The following SCAMP4 variants were observed in gnomAD, a reference collection of about 807,000 sequenced individuals.
SCAMP4 encodes secretory carrier-associated membrane protein 4.
In SCAMP4, 19 loss-of-function variants were observed where a neutral mutation model predicts 32.1. That is an observed-to-expected ratio of 0.59 (90% CI 0.41 to 0.87). The LOEUF (loss-of-function observed/expected upper bound fraction) is 0.87, where lower values mean the gene tolerates loss of function less well. Ranked by LOEUF, SCAMP4 falls within the 40% of genes least tolerant of loss-of-function variation. The probability of loss-of-function intolerance (pLI) is 0.00; values close to 1 mark genes in which losing one functional copy is unlikely to be tolerated. For synonymous variants in SCAMP4, 152 were observed against 132.7 expected, an observed-to-expected ratio of 1.15 and a Z score of -1.00; for missense variants, 302 against 309.0, an observed-to-expected ratio of 0.98 and a Z score of 0.17.
At position 1,915,048 on chromosome 19, in the gene SCAMP4, G is replaced by C. The variant is rs368347152; in HGVS notation, c.7+22G>C. 3.0e-5 allele frequency: 48 copies of C among 1,613,578 alleles called. No individual in the cohort carries two copies. In the African/African-American group the frequency reaches 3.3e-4, roughly 11 times the overall value. On this transcript the variant is annotated intron_variant, in intron 2 of 6. Transcript: ENST00000316097. Reference sequence around the variant, plus strand: ...TCAGGTGAGTCCTGCCTGCCTGGGAGCCTCCAGCAGCGTGGGCGGGAGGGA... The same window carrying C: ...TCAGGTGAGTCCTGCCTGCCTGGGACCCTCCAGCAGCGTGGGCGGGAGGGA...
chr19:1,921,391 G>A, intron 5 of SCAMP4: 1 of 985,442 alleles, frequency 1.0e-6, no homozygotes. Flanking sequence ...GGGCCTAGCT[G>A]TGTAGATGGT....
intron 1 of SCAMP4, chr19:1,913,453 T>C: frequency 2.0e-6 from 1 of 503,088 alleles, no homozygotes; most frequent in Middle Eastern, 5.5e-4. Flanking sequence ...ACCAAGTGGG[T>C]GTCTGTTAGG....
chr19:1,912,286 C>G, intron 1 of SCAMP4: 1 of 1,577,044 alleles, frequency 6.3e-7, no homozygotes, highest in Non-Finnish European at 8.6e-7. Flanking sequence ...AAGGAGGTGT[C>G]GGCCCTGCAC....
At chr19:1,914,614 A>C in intron 1 of SCAMP4, 2 of 283,194 alleles carry the variant, frequency 7.1e-6, no homozygotes, top group South Asian at 8.2e-5. Context: ...TGCGGATGCG[A>C]TGGGGTCTTA....
chr19:1,918,578 A>G (rs1266332172), intron 4 of SCAMP4: 15 of 498,922 alleles, frequency 3.0e-5, no homozygotes, highest in Admixed American at 7.0e-5. Flanking sequence ...CCTGGCCAAC[A>G]TGGTGAAACG....
At chr19:1,917,611 C>T in intron 2 of SCAMP4, 83 bp from the exon 3 acceptor site, 2 of 1,545,094 alleles carry the variant, frequency 1.3e-6, no homozygotes, top group South Asian at 2.3e-5. Flanking sequence ...GAGAGGCAAC[C>T]CAGCCTTGGG....
intron 2 of SCAMP4, among the ~76,000 whole-genome samples, chr19:1,916,375 C>T (rs756241726): frequency 1.3e-4 from 20 of 152,176 alleles, no homozygotes; most frequent in Non-Finnish European, 2.9e-4. Context: ...GCTCCTTCCC[C>T]GGAGCCTGCA....
chr19:1,924,236 C>T lies in SCAMP4; in HGVS notation c.642C>T (p.Pro214=), dbSNP rs777556881. 1.7e-5 allele frequency: 28 copies of T among 1,605,696 alleles called. No individual in the cohort carries two copies. Among genetic ancestry groups the T allele is most frequent in the South Asian group, 2.2e-5 (2 of 89,774 alleles). Residue 214 remains proline, a synonymous_variant, in exon 7 of 7, where the codon CCC becomes CCT. Transcript: ENST00000316097. Reference sequence around the variant, plus strand: ...ACAACTTCTCAGGCAACAGCCTGCCCGAGTACCCCACTGTGCCCAGCTACC... The same window carrying T: ...ACAACTTCTCAGGCAACAGCCTGCCTGAGTACCCCACTGTGCCCAGCTACC... ...QYNNFSGNSL[P]EYPTVPSYPG...
chr19:1,912,656 A>C (rs996684227), intron 1 of SCAMP4: 3 of 1,421,654 alleles, frequency 2.1e-6, no homozygotes, highest in Non-Finnish European at 2.7e-6. Flanking sequence ...CCCGGCGGGC[A>C]GCAGCGCGGG....
intron 4 of SCAMP4, among the ~76,000 whole-genome samples, 181 bp downstream of exon 4, chr19:1,918,464 G>C (rs2013808953): frequency 6.6e-6 from 1 of 152,124 alleles, no homozygotes; most frequent in South Asian, 2.1e-4. Flanking sequence ...GTTTTGTTTT[G>C]CTTTCTAGTA....
At chr19:1,909,757 G>A (rs773173619) in intron 1 of SCAMP4, among the ~76,000 whole-genome samples, 1 of 152,206 alleles carries the variant, frequency 6.6e-6, no homozygotes, top group Non-Finnish European at 1.5e-5. Context: ...TCCAGCCAGG[G>A]CCTCCTCTGT....
At chr19:1,913,722 C>T (rs1424323633) in intron 1 of SCAMP4, among the ~76,000 whole-genome samples, 2 of 152,240 alleles carry the variant, frequency 1.3e-5, no homozygotes, top group Admixed American at 1.3e-4. Flanking sequence ...GATTTCGTGT[C>T]CTTCACAAGT....
intron 6 of SCAMP4, among the ~76,000 whole-genome samples, chr19:1,923,437 C>G (rs1306719721): frequency 6.6e-6 from 1 of 152,102 alleles, no homozygotes; most frequent in Non-Finnish European, 1.5e-5. Context: ...AGTCCAGACT[C>G]CAGAGGGAAG....
At chr19:1,912,675 G>A in intron 1 of SCAMP4, 2 of 1,441,520 alleles carry the variant, frequency 1.4e-6, no homozygotes, top group Non-Finnish European at 1.8e-6. Flanking sequence ...GGGCTTGCGG[G>A]CCGTGGGGGC....
chr19:1,920,415 C>T (rs1372573124), intron 5 of SCAMP4: 1 of 677,242 alleles, frequency 1.5e-6, no homozygotes, highest in Non-Finnish European at 1.8e-6. Flanking sequence ...CCTTCAGGGC[C>T]CCTCGATCTG....
At position 1,924,905 on chromosome 19, in the gene SCAMP4, G is replaced by A. The variant is rs1374778130; in HGVS notation, c.*621G>A. On this transcript the variant is annotated 3_prime_UTR_variant, in exon 7 of 7. Coordinates refer to ENST00000316097, the MANE Select transcript of SCAMP4 (RefSeq NM_079834.4). ...ATACCTGGGGAGTTCCTGGTCCAGG[G>A]TATCCTGGGGCCACCCTCCCTGCCT... The A allele has an allele frequency of 2.0e-5, 3 of 152,652 alleles. 1 individual carries two copies. The East Asian group carries it at 5.8e-4, about 29-fold the overall frequency. The allele number at this position is 152,652 out of a possible 1,614,324, so 9.5% of individuals were successfully genotyped here.
At chr19:1,923,904 CGTG>C in intron 6 of SCAMP4, among the ~76,000 whole-genome samples, 5 of 108,088 alleles carry the variant, frequency 4.6e-5, no homozygotes, top group South Asian at 3.3e-4. Context: ...GGATGACAGG[CGTG>C]AGCCACCGTG....
intron 3 of SCAMP4, 137 bp downstream of exon 3, chr19:1,917,959 G>T: frequency 7.3e-7 from 1 of 1,372,746 alleles, no homozygotes; most frequent in South Asian, 1.3e-5. Flanking sequence ...TCCCTGCGGT[G>T]AACGAGGCTG....
intron 1 of SCAMP4, chr19:1,907,881 TCTGGCAGTTGAGGCCGCC>T (rs1393042940): frequency 6.6e-6 from 1 of 152,422 alleles, no homozygotes; most frequent in Non-Finnish European, 1.5e-5. Context: ...TAGGAGGTGC[TCTGGCAGTTGAGGCCGCC>T]CTGGCCTGGG....
Sources: gnomAD v4.1 joint callset for allele counts (sites outside exome capture counted in the v4.1 genomes callset) on GRCh38, gnomAD v4.1.1 for gene constraint, MANE v1.5 for transcripts, NCBI Gene and HGNC (gene_info 2026-07-23, HGNC 2026-07-21) for gene names.